HPS5: variants seen among roughly 807,000 people sequenced by gnomAD.
HPS5 encodes BLOC-2 complex member HPS5.
In HPS5, 83 loss-of-function variants were observed where a neutral mutation model predicts 128.0. The observed-to-expected ratio is 0.65, with a 90% CI of 0.54 to 0.78. HPS5 has a LOEUF of 0.78. HPS5 is among the 30% of genes least tolerant of loss of function. The pLI, the probability that HPS5 is intolerant of heterozygous loss-of-function variation, is 0.00. For missense variants in HPS5, 1,281 were observed against 1,326.2 expected (o/e 0.97, Z 0.53); for synonymous variants, 475 against 470.2 (o/e 1.01, Z -0.13).
At chr11:18,299,524 T>C (rs1005781227) in intron 9 of HPS5, among the ~76,000 whole-genome samples, 2 of 152,214 alleles carry the variant, frequency 1.3e-5, no homozygotes, top group African/African-American at 4.8e-5. Context: ...TTTTGGTTTT[T>C]ACAAACATAG....
intron 8 of HPS5, among the ~76,000 whole-genome samples, chr11:18,302,640 CTA>C (rs1165566806): frequency 1.3e-5 from 2 of 151,862 alleles, no homozygotes; most frequent in African/African-American, 4.8e-5. Flanking sequence ...GGCTATGAAA[CTA>C]ATTGATTTTT....
chr11:18,295,280 C>T (rs1860922490), intron 13 of HPS5, 111 bp from the exon 14 acceptor site: 2 of 954,978 alleles, frequency 2.1e-6, no homozygotes, highest in Admixed American at 4.1e-5. Flanking sequence ...GCAACTTGGA[C>T]TTAGTAAAGA....
rs912454818 is a variant in HPS5 at position 18,297,583 on chromosome 11, A to G, written c.1299T>C (p.Ser433=). Residue 433 remains serine, a synonymous_variant, in exon 11 of 23, where the codon AGT becomes AGC. Transcript: ENST00000349215. The part of the protein sequence containing the change: ...KFEPLDSACS[S]RRSSISSHES... ...CATGTGATGAAATGGAGCTTCTTCT[A>G]CTGCTACAAGCTGAATCCAAAGGTT... 6 of 1,613,850 alleles carry G rather than the reference A, an allele frequency of 3.7e-6. No individual in the cohort carries two copies. The African/African-American group carries it at 5.3e-5, about 14-fold the overall frequency.
chr11:18,317,535 T>G (rs961780380), intron 2 of HPS5, among the ~76,000 whole-genome samples: 5 of 152,164 alleles, frequency 3.3e-5, no homozygotes, highest in African/African-American at 1.2e-4. Context: ...GAATTACAGG[T>G]GTGAGCCACC....
intron 15 of HPS5, among the ~76,000 whole-genome samples, chr11:18,292,638 G>C (rs896330426): frequency 6.6e-6 from 1 of 152,154 alleles, no homozygotes; most frequent in African/African-American, 2.4e-5. Flanking sequence ...ACAAAGCTAG[G>C]AATACTGGAA....
chr11:18,296,176 T>A (rs1461399768), intron 12 of HPS5, 54 bp from the exon 13 acceptor site: 9 of 1,580,086 alleles, frequency 5.7e-6, no homozygotes, highest in Non-Finnish European at 7.8e-6. Flanking sequence ...GTGGGAGTTG[T>A]TTTAATCTTT....
chr11:18,307,803 AT>A (rs929182525), intron 6 of HPS5, among the ~76,000 whole-genome samples: 15 of 152,098 alleles, frequency 9.9e-5, no homozygotes, highest in Non-Finnish European at 1.8e-4. Flanking sequence ...AAACAAAAAG[AT>A]TTTTTAACAT....
chr11:18,288,734 CTG>C (rs35752943), intron 16 of HPS5, among the ~76,000 whole-genome samples: 12 of 149,742 alleles, frequency 8.0e-5, no homozygotes, highest in East Asian at 2.0e-4. Context: ...GAACTCCTGG[CTG>C]TGTGTGTGTG....
rs1234208017 is a variant in HPS5, at chr11:18,291,483, T to G, written c.2399A>C (p.Asn800Thr). Residue 800 changes from asparagine (N) to threonine (T), a missense_variant, in exon 16 of 23, where the codon AAT (asparagine) becomes ACT (threonine). Coordinates refer to ENST00000349215, the MANE Select transcript of HPS5 (RefSeq NM_181507.2). ...AKESIKLSYSNSPSVWDTFIE... is the reference protein window; with the variant it reads ...AKESIKLSYSTSPSVWDTFIE... ...AAAAGTATCCCAAACAGAAGGGCTA[T>G]TACTGTAACTAAGCTTGATACTCTC... The G allele has an allele frequency of 6.2e-7, 1 of 1,613,110 alleles. No homozygotes were observed. The highest frequency in any genetic ancestry group is 1.1e-5 in the South Asian group (1 of 90,974).
chr11:18,301,101 T>C (rs1199868605), intron 8 of HPS5, among the ~76,000 whole-genome samples, 185 bp from the exon 9 acceptor site: 2 of 152,064 alleles, frequency 1.3e-5, no homozygotes, highest in African/African-American at 2.4e-5. Flanking sequence ...CACTAATAAA[T>C]AGCATAAAAT....
At chr11:18,296,731 C>T (rs765668567) in intron 12 of HPS5, 67 bp downstream of exon 12, 1 of 1,392,822 alleles carries the variant, frequency 7.2e-7, no homozygotes, top group South Asian at 1.2e-5. Context: ...CAAGATAATC[C>T]TGGTAACAGG....
At chr11:18,284,883 C>T (rs138890463) in intron 20 of HPS5, among the ~76,000 whole-genome samples, 1 of 152,096 alleles carries the variant, frequency 6.6e-6, no homozygotes, top group African/African-American at 2.4e-5. Flanking sequence ...CCTAACTCAC[C>T]CTCTCCTGGC....
chr11:18,303,048 G>C (rs73430888), intron 8 of HPS5, among the ~76,000 whole-genome samples: 21,443 of 152,068 alleles, frequency 0.14, 1,616 homozygotes, highest in African/African-American at 0.19. Context: ...TAACAGCATT[G>C]TTTTAGAAGT....
Position 18,287,577 on chromosome 11 carries a change from G to T in HPS5, c.2675C>A (p.Ala892Asp). The change falls in exon 18 of 23, where the codon GCC becomes GAC. Residue 892 changes from alanine to aspartate, a missense_variant. Coordinates refer to ENST00000349215, the MANE Select transcript of HPS5 (RefSeq NM_181507.2). ...TGATTTCACCAGACTGTCTAAATAG[G>T]CCAAAAACTCAGCAGGATGATGATG... is the stretch of plus-strand genomic sequence containing the variant. ...LCHHHPAEFLAYLDSLVKSRP... is the reference protein window; with the variant it reads ...LCHHHPAEFLDYLDSLVKSRP... 6.2e-7 allele frequency: 1 copy of T among 1,614,106 alleles called. No homozygotes were observed. The highest frequency in any genetic ancestry group is 8.5e-7 in the Non-Finnish European group (1 of 1,179,998).
chr11:18,287,561 C>G lies in HPS5; in HGVS notation c.2691G>C (p.Leu897=). 1 of 1,614,146 alleles carries G rather than the reference C, an allele frequency of 6.2e-7. No homozygotes were observed. Among genetic ancestry groups the G allele is most frequent in the South Asian group, 1.1e-5 (1 of 91,084 alleles). ...GCTGATCTTCAGGCCTTGATTTCAC[C>G]AGACTGTCTAAATAGGCCAAAAACT... ...PAEFLAYLDS[L]VKSRPEDQRS... is the part of the protein sequence containing the mutation. Residue 897 remains leucine, a synonymous_variant, in exon 18 of 23, where the codon CTG becomes CTC. Coordinates refer to ENST00000349215, the MANE Select transcript of HPS5 (RefSeq NM_181507.2).
Position 18,310,871 on chromosome 11 carries a change from T to C in HPS5, c.347A>G (p.Tyr116Cys), listed in dbSNP as rs148282299. 2.2e-5 allele frequency: 35 copies of C among 1,611,904 alleles called. No homozygotes were observed. In the East Asian group the frequency reaches 4.5e-4, roughly 21 times the overall value. The stretch of plus-strand genomic sequence containing the variant: ...TCGGCCTTTGTGTTCTGAAGACACA[T>C]ACATTTGTTCCGGTTTCCCACGACG... ...QERRGKPEQM[Y>C]VSSEHKGRRV... The change falls in exon 5 of 23, where the codon TAT (tyrosine) becomes TGT (cysteine). Residue 116 changes from tyrosine to cysteine, a missense_variant. Tyr to Cys is a radical substitution (Grantham distance 194). Coordinates refer to ENST00000349215, the MANE Select transcript of HPS5 (RefSeq NM_181507.2).
rs759501156 is a variant in HPS5, at chr11:18,317,776, A to C, written c.83T>G (p.Leu28Arg). 3.1e-6 allele frequency: 5 copies of C among 1,613,872 alleles called. No individual in the cohort carries two copies. Among genetic ancestry groups the C allele is most frequent in the Non-Finnish European group, 2.5e-6 (3 of 1,179,900 alleles). The change falls in exon 2 of 23, where the codon CTG becomes CGG. Residue 28 changes from leucine (L) to arginine (R), a missense_variant. Leu to Arg is a moderately radical substitution (Grantham distance 102, BLOSUM62 -2). Coordinates refer to ENST00000349215, the MANE Select transcript of HPS5 (RefSeq NM_181507.2). ...FESLDPLLSA[L>R]RLDSSRLKCT... ...CTTTAGACGACTGGAGTCCAGCCGC[A>C]GGGCTGAGAGTAATGGATCCAGAGA...
At chr11:18,303,037 C>G (rs1269928051) in intron 8 of HPS5, among the ~76,000 whole-genome samples, 1 of 152,064 alleles carries the variant, frequency 6.6e-6, no homozygotes, top group African/African-American at 2.4e-5. Context: ...GGACATAAGC[C>G]TAACAGCATT....
At chr11:18,296,484 A>G in intron 12 of HPS5, 1 of 575,158 alleles carries the variant, frequency 1.7e-6, no homozygotes, top group African/African-American at 1.9e-5. Flanking sequence ...CTGATGAAAA[A>G]TAATTTGGTT....
Sources: allele counts gnomAD v4.1 joint callset (sites outside exome capture counted in the v4.1 genomes callset), GRCh38; gene constraint gnomAD v4.1.1; transcripts MANE v1.5; gene names NCBI Gene and HGNC (gene_info 2026-07-23, HGNC 2026-07-21).